The following ZNF527 variants were observed in gnomAD, a reference collection of about 807,000 sequenced individuals.
ZNF527 encodes zinc finger protein 527.
In ZNF527, 5 loss-of-function variants were observed where a neutral mutation model predicts 13.5. The ratio of observed to expected loss-of-function variants is 0.37; its 90% confidence interval spans 0.19 to 0.78. The LOEUF is 0.78. ZNF527 is among the 30% of genes least tolerant of loss of function. The probability of loss-of-function intolerance (pLI) is 0.48; values close to 1 mark genes in which losing one functional copy is unlikely to be tolerated. For missense variants in ZNF527, 628 were observed against 726.4 expected, an observed-to-expected ratio of 0.86 and a Z score of 1.56; for synonymous variants, 209 against 243.1, an observed-to-expected ratio of 0.86 and a Z score of 1.30.
chr19:37,377,489 T>C (rs759820916), intron 2 of ZNF527, among the ~76,000 whole-genome samples: 3 of 152,216 alleles, frequency 2.0e-5, no homozygotes, highest in Non-Finnish European at 4.4e-5. Context: ...AGAGTGGTTT[T>C]GCAGTGCTTT....
chr19:37,378,897 G>T (rs1452093702), intron 2 of ZNF527, among the ~76,000 whole-genome samples: 1 of 152,102 alleles, frequency 6.6e-6, no homozygotes, highest in African/African-American at 2.4e-5. Context: ...CTAATTTTGT[G>T]TATATATGTC....
intron 2 of ZNF527, 60 bp downstream of exon 2, chr19:37,374,291 A>G: frequency 6.4e-7 from 1 of 1,564,416 alleles, no homozygotes; most frequent in South Asian, 1.1e-5. Context: ...GGACTTTGGG[A>G]CCACAGGGAA....
intron 4 of ZNF527, among the ~76,000 whole-genome samples, chr19:37,384,410 G>C (rs1201730044): frequency 6.6e-6 from 1 of 151,988 alleles, no homozygotes. Context: ...AGGTAGGAGG[G>C]TCACTTAAGC....
At chr19:37,374,006 T>C (rs117720608) in intron 1 of ZNF527, among the ~76,000 whole-genome samples, 152 bp from the exon 2 acceptor site, 3,222 of 46,098 alleles carry the variant, frequency 0.07, 58 homozygotes, top group Middle Eastern at 0.13. Flanking sequence ...AAGTTCAGCA[T>C]TGGATTCCAC....
intron 2 of ZNF527, among the ~76,000 whole-genome samples, chr19:37,375,298 C>CT (rs1354797643): frequency 0.024 from 2,429 of 103,194 alleles, 37 homozygotes; most frequent in South Asian, 0.044. Flanking sequence ...TTCTTTCTTT[C>CT]TTTCTTTCTT....
At chr19:37,372,743 G>A (rs183269489) in intron 1 of ZNF527, among the ~76,000 whole-genome samples, 2 of 152,110 alleles carry the variant, frequency 1.3e-5, no homozygotes, top group Non-Finnish European at 2.9e-5. Context: ...AAAGTGCTGG[G>A]ATTACTGGTG....
At chr19:37,386,277 G>T (rs1343350051) in intron 4 of ZNF527, among the ~76,000 whole-genome samples, 1 of 151,618 alleles carries the variant, frequency 6.6e-6, no homozygotes, top group African/African-American at 2.4e-5. Flanking sequence ...GGGTAGCTGG[G>T]ATTATAGATG....
In ZNF527 at chr19:37,388,657, A is replaced by G; in HGVS notation, c.608A>G (p.Asn203Ser). 6.2e-7 allele frequency: 1 copy of G among 1,613,212 alleles called. No individual in the cohort carries two copies. Among genetic ancestry groups the G allele is most frequent in the Non-Finnish European group, 8.5e-7 (1 of 1,179,760 alleles). Reference protein sequence around the residue: ...FDIYDKLFPQNSVIIEYKRLH... With the variant: ...FDIYDKLFPQSSVIIEYKRLH... ...ATTTATGATAAACTCTTCCCCCAAA[A>G]TTCAGTCATAATTGAATATAAAAGA... is the stretch of plus-strand genomic sequence containing the variant. Residue 203 changes from asparagine (N) to serine (S), a missense_variant, in exon 5 of 5, where the codon AAT becomes AGT. Transcript: ENST00000436120.
chr19:37,389,121 T>G lies in ZNF527; in HGVS notation c.1072T>G (p.Phe358Val). Residue 358 changes from phenylalanine (F) to valine (V), a missense_variant, in exon 5 of 5, where the codon TTT becomes GTT. Around this residue, in one of 3 missense-constraint regions of ZNF527, gnomAD observed 592 missense variants for 678.0 expected, o/e 0.87. Coordinates refer to ENST00000436120, the MANE Select transcript of ZNF527 (RefSeq NM_032453.2). ...GAGGATCCACACTGGAGAGAAACCG[T>G]TTGCGTGCAATGAATGTGGGAAGGC... ...HQRIHTGEKP[F>V]ACNECGKAFS... 1 of 1,614,222 alleles carries G rather than the reference T, an allele frequency of 6.2e-7. No homozygotes were observed.
In ZNF527 at chr19:37,374,180, G is replaced by GA; in HGVS notation, c.-15dup. 1.2e-6 allele frequency: 2 copies of GA among 1,612,712 alleles called. No homozygotes were observed. The highest frequency in any genetic ancestry group is 1.7e-6 in the Non-Finnish European group (2 of 1,178,828). ...CAGGACTTTGTTCTTCTTCAGAAGA[G>GA]AAAACTGAAGAAGGAGGAATGGCTG... On this transcript the variant is annotated 5_prime_UTR_variant, in exon 2 of 5. Coordinates refer to ENST00000436120, the MANE Select transcript of ZNF527 (RefSeq NM_032453.2).
Position 37,390,018 on chromosome 19 carries a change from T to A in ZNF527, c.*139T>A. 1 of 1,124,302 alleles carries A rather than the reference T, an allele frequency of 8.9e-7. No homozygotes were observed. The highest frequency in any genetic ancestry group is 1.2e-6 in the Non-Finnish European group (1 of 812,180). 69.6% of individuals were successfully genotyped at this position (1,124,302 alleles called of 1,614,324 possible). A position where few individuals can be genotyped will look rare whatever the true frequency, so the allele number is the denominator to read the frequency against. ...GTATCCGTTATTTGAAGTAGCTCAG[T>A]AGTAGACATCTGTTACTTTTTTTTT... On this transcript the variant is annotated 3_prime_UTR_variant, in exon 5 of 5. Coordinates refer to ENST00000436120, the MANE Select transcript of ZNF527 (RefSeq NM_032453.2).
chr19:37,375,302 C>CTTTTCT (rs368774863), intron 2 of ZNF527, among the ~76,000 whole-genome samples: 4 of 104,534 alleles, frequency 3.8e-5, no homozygotes, highest in African/African-American at 1.7e-4. Flanking sequence ...TTCTTTCTTT[C>CTTTTCT]TTTCTTTCTT....
intron 4 of ZNF527, among the ~76,000 whole-genome samples, chr19:37,383,405 T>G (rs1023873862): frequency 2.1e-4 from 32 of 150,526 alleles, no homozygotes; most frequent in African/African-American, 7.8e-4. Context: ...CCAGATAATT[T>G]TTGTAATTTT....
intron 1 of ZNF527, among the ~76,000 whole-genome samples, chr19:37,371,592 G>C (rs1405484804): frequency 6.6e-6 from 1 of 152,206 alleles, no homozygotes; most frequent in Non-Finnish European, 1.5e-5. Flanking sequence ...GTGACCACCT[G>C]TTTCTGCGGA....
rs554679960 is a variant in ZNF527, at chr19:37,387,460, A to C, written c.257-846A>C. Reference sequence around the variant, plus strand: ...GGCTTGAGCTCTCAGAATTTACAAAAGGTAGAAAGACCTTGTGTCAGGCTT... The same window carrying C: ...GGCTTGAGCTCTCAGAATTTACAAACGGTAGAAAGACCTTGTGTCAGGCTT... On this transcript the variant is annotated intron_variant, in intron 4 of 4. Coordinates refer to ENST00000436120, the MANE Select transcript of ZNF527 (RefSeq NM_032453.2). Among the ~76,000 whole-genome samples the C allele has an allele frequency of 3.9e-5, 6 of 152,366 alleles. 1 individual carries two copies. The South Asian group carries it at 1.2e-3, about 32-fold the overall frequency.
At chr19:37,375,290 C>A (rs918763037) in intron 2 of ZNF527, among the ~76,000 whole-genome samples, 6 of 112,440 alleles carry the variant, frequency 5.3e-5, no homozygotes, top group African/African-American at 7.8e-5. Flanking sequence ...TTCTTTCTTT[C>A]TTTCTTTCTT....
intron 2 of ZNF527, 139 bp downstream of exon 2, chr19:37,374,370 C>T (rs761230813): frequency 9.2e-6 from 7 of 763,928 alleles, no homozygotes; most frequent in Non-Finnish European, 1.5e-5. Flanking sequence ...AATCCTTCTA[C>T]AAAACATTTA....
intron 1 of ZNF527, among the ~76,000 whole-genome samples, 179 bp downstream of exon 1, chr19:37,371,405 G>A (rs1288572701): frequency 6.6e-6 from 1 of 152,232 alleles, no homozygotes; most frequent in African/African-American, 2.4e-5. Flanking sequence ...GTCACTGTGT[G>A]TGTGTGTTTG....
At chr19:37,379,424 A>G (rs1194462832) in intron 3 of ZNF527, 178 bp downstream of exon 3, 2 of 503,752 alleles carry the variant, frequency 4.0e-6, no homozygotes, top group African/African-American at 4.1e-5. Context: ...TAATTAATTT[A>G]CTTTTGGCAG....
Sources: allele counts gnomAD v4.1 joint callset (sites outside exome capture counted in the v4.1 genomes callset), GRCh38; gene constraint gnomAD v4.1.1; regional missense constraint gnomAD v4.1.1; transcripts MANE v1.5; gene names NCBI Gene and HGNC (gene_info 2026-07-23, HGNC 2026-07-21).